The following MAGI1 variants were observed in gnomAD, a reference collection of about 807,000 sequenced individuals.
MAGI1 encodes membrane-associated guanylate kinase, WW and PDZ domain-containing protein 1.
In MAGI1, 58 loss-of-function variants were observed where a neutral mutation model predicts 139.9. That is an observed-to-expected ratio of 0.41 (90% CI 0.34 to 0.52). The LOEUF is 0.52. Ranked by LOEUF, MAGI1 falls within the 20% of genes least tolerant of loss-of-function variation. The pLI is 0.12. For missense variants in MAGI1, 1,874 were observed against 1,901.6 expected (o/e 0.99, Z 0.27); for synonymous variants, 812 against 737.9 (o/e 1.10, Z -1.63).
At chr3:65,984,512 ATGTGTGTGTGTGTG>A (rs34046056) in intron 1 of MAGI1, among the ~76,000 whole-genome samples, 41 of 140,470 alleles carry the variant, frequency 2.9e-4, no homozygotes, top group African/African-American at 8.0e-4. Context: ...TCAAAATAAA[ATGTGTGTGTGTGTG>A]TGTGTGTGTG....
At chr3:65,441,648 C>G (rs1370434436) in intron 8 of MAGI1, among the ~76,000 whole-genome samples, 2 of 152,120 alleles carry the variant, frequency 1.3e-5, no homozygotes, top group African/African-American at 4.8e-5. Flanking sequence ...ATAGCAAAAA[C>G]CCCACAGTAC....
chr3:65,508,093 G>A (rs17352644), intron 2 of MAGI1, among the ~76,000 whole-genome samples: 46,848 of 152,080 alleles, frequency 0.31, 8,930 homozygotes, highest in East Asian at 0.73. Flanking sequence ...TATCAGAAAA[G>A]TAGTGGCCAA....
rs1400896530 is a variant in MAGI1 at position 65,950,672 on chromosome 3, CTCT to C, written c.313+87321_313+87323del. Among the ~76,000 whole-genome samples the C allele has an allele frequency of 2.6e-5, 4 of 152,124 alleles. No individual in the cohort carries two copies. The East Asian group carries it at 7.7e-4, about 29-fold the overall frequency. ...CATCTTTCCAAGAATTTGTAAATCC[CTCT>C]TCAACTGGTTGGAACGGAAATTACA... On this transcript the variant is annotated intron_variant, in intron 1 of 22. Transcript: ENST00000402939.
At chr3:65,364,381 G>T (rs1941198083) in intron 20 of MAGI1, among the ~76,000 whole-genome samples, 1 of 152,018 alleles carries the variant, frequency 6.6e-6, no homozygotes, top group South Asian at 2.1e-4. Context: ...TGAATACTAT[G>T]AGTAGATATT....
chr3:65,865,003 C>G (rs952717983), intron 1 of MAGI1, among the ~76,000 whole-genome samples: 1 of 152,076 alleles, frequency 6.6e-6, no homozygotes, highest in Non-Finnish European at 1.5e-5. Context: ...CACCTACGTA[C>G]ATACAGAGAG....
chr3:65,519,580 T>C (rs1055666731), intron 2 of MAGI1, among the ~76,000 whole-genome samples: 3 of 152,034 alleles, frequency 2.0e-5, no homozygotes, highest in African/African-American at 7.2e-5. Flanking sequence ...GAGATAGGGT[T>C]TCACCACGTT....
intron 1 of MAGI1, among the ~76,000 whole-genome samples, chr3:65,681,135 C>CAGGGCTT (rs1382047795): frequency 6.6e-6 from 1 of 152,200 alleles, no homozygotes. Context: ...ACTTTGAAAA[C>CAGGGCTT]AGGGCTTAGG....
At chr3:65,859,410 A>T (rs1296892568) in intron 1 of MAGI1, among the ~76,000 whole-genome samples, 2 of 151,802 alleles carry the variant, frequency 1.3e-5, no homozygotes, top group East Asian at 3.9e-4. Flanking sequence ...ACTCATGCTA[A>T]ATGCCACATA....
intron 1 of MAGI1, among the ~76,000 whole-genome samples, chr3:65,772,405 T>TGAGACC (rs1326621201): frequency 2.0e-5 from 3 of 152,118 alleles, no homozygotes; most frequent in Non-Finnish European, 2.9e-5. Flanking sequence ...CTGTCCATCA[T>TGAGACC]GAGACCCTGG....
chr3:65,848,670 T>C (rs1306672766), intron 1 of MAGI1, among the ~76,000 whole-genome samples: 1 of 151,986 alleles, frequency 6.6e-6, no homozygotes, highest in Non-Finnish European at 1.5e-5. Context: ...GAAAAACCTA[T>C]AGCTTAGCAG....
intron 2 of MAGI1, among the ~76,000 whole-genome samples, chr3:65,595,919 G>C (rs1216173832): frequency 6.6e-6 from 1 of 152,152 alleles, no homozygotes; most frequent in Non-Finnish European, 1.5e-5. Context: ...AAGGCATTGA[G>C]AGACAGGGGC....
intron 5 of MAGI1, among the ~76,000 whole-genome samples, chr3:65,459,766 T>G (rs1044065198): frequency 1.3e-5 from 2 of 151,902 alleles, no homozygotes; most frequent in African/African-American, 4.8e-5. Context: ...CTATAAAAAC[T>G]ACAAAAAATT....
chr3:66,029,070 T>A (rs2107588541), intron 1 of MAGI1, among the ~76,000 whole-genome samples: 1 of 152,258 alleles, frequency 6.6e-6, no homozygotes, highest in South Asian at 2.1e-4. Flanking sequence ...ATCCCCATTT[T>A]CCGAGGGGGA....
intron 2 of MAGI1, among the ~76,000 whole-genome samples, chr3:65,565,917 T>A (rs1478484776): frequency 6.7e-6 from 1 of 149,360 alleles, no homozygotes; most frequent in African/African-American, 2.5e-5. Flanking sequence ...TTGGAGGAAG[T>A]CCTTACCACA....
intron 14 of MAGI1, among the ~76,000 whole-genome samples, chr3:65,389,566 G>A (rs952352335): frequency 2.0e-5 from 3 of 152,154 alleles, no homozygotes; most frequent in Non-Finnish European, 2.9e-5. Context: ...ATGTGAAAAC[G>A]CTCCTCTTTG....
intron 15 of MAGI1, among the ~76,000 whole-genome samples, chr3:65,382,544 T>C (rs968667377): frequency 1.3e-5 from 2 of 152,212 alleles, no homozygotes; most frequent in African/African-American, 4.8e-5. Context: ...TGAAGTCTTT[T>C]AGCACCCGAA....
At chr3:65,431,009 T>C (rs1346482206) in intron 10 of MAGI1, 128 bp from the exon 11 acceptor site, 2 of 831,900 alleles carry the variant, frequency 2.4e-6, no homozygotes, top group East Asian at 5.3e-5. Context: ...TATAGCATCT[T>C]AAGAAAGTCC....
chr3:65,533,112 T>C (rs751159479), intron 2 of MAGI1, among the ~76,000 whole-genome samples: 6 of 152,316 alleles, frequency 3.9e-5, no homozygotes, highest in Admixed American at 1.3e-4. Context: ...GCAAAAAGAA[T>C]GCAATCCCTA....
At chr3:65,637,299 T>C (rs57580740) in intron 1 of MAGI1, among the ~76,000 whole-genome samples, 7,492 of 152,118 alleles carry the variant, frequency 0.049, 341 homozygotes, top group African/African-American at 0.12. Flanking sequence ...CTGCCTGTAA[T>C]CTCAGCACTT....
Sources: gnomAD v4.1 joint callset for allele counts (sites outside exome capture counted in the v4.1 genomes callset) on GRCh38, gnomAD v4.1.1 for gene constraint, MANE v1.5 for transcripts, NCBI Gene and HGNC (gene_info 2026-07-23, HGNC 2026-07-21) for gene names.